Variants in VAV3 observed in about 807,000 individuals in gnomAD.
VAV3 encodes the protein vav guanine nucleotide exchange factor 3, also known as guanine nucleotide exchange factor VAV3.
VAV3 carries 94 observed loss-of-function variants against 131.2 expected under a neutral mutation model. The observed-to-expected ratio is 0.72, with a 90% CI of 0.61 to 0.85. The LOEUF (loss-of-function observed/expected upper bound fraction) is 0.85, where lower values mean the gene tolerates loss of function less well. VAV3 is among the 40% of genes least tolerant of loss of function. The pLI is 0.00. For synonymous variants in VAV3, 349 were observed against 342.0 expected, an observed-to-expected ratio of 1.02 and a Z score of -0.22; for missense variants, 939 against 1,002.7, an observed-to-expected ratio of 0.94 and a Z score of 0.86.
At chr1:107,835,466 G>A (rs868623229) in intron 2 of VAV3, among the ~76,000 whole-genome samples, 5 of 152,152 alleles carry the variant, frequency 3.3e-5, no homozygotes, top group African/African-American at 1.2e-4. Flanking sequence ...TGAGATGTGC[G>A]GTTTGTGGGC....
chr1:107,953,759 C>T lies in VAV3; in HGVS notation c.204+10907G>A, dbSNP rs149193256. 1.5e-4 allele frequency among the ~76,000 whole-genome samples: 23 copies of T among 152,204 alleles called. 1 individual carries two copies. The East Asian group carries it at 3.5e-3, about 23-fold the overall frequency. ...CAGGAAAAGGCATAGGGAAGCACGA[C>T]GCTTGTTTATTCAGACCAGCTGTTA... On this transcript the variant is annotated intron_variant, in intron 1 of 26. Transcript: ENST00000370056.
At chr1:107,697,815 A>T (rs369597348) in intron 17 of VAV3, among the ~76,000 whole-genome samples, 37 of 152,284 alleles carry the variant, frequency 2.4e-4, no homozygotes, top group African/African-American at 8.9e-4. Flanking sequence ...TTCAAACCTA[A>T]AAACACTGGG....
intron 17 of VAV3, among the ~76,000 whole-genome samples, chr1:107,695,451 G>A (rs1299534797): frequency 6.6e-6 from 1 of 152,140 alleles, no homozygotes; most frequent in African/African-American, 2.4e-5. Context: ...ACAGGAAAGT[G>A]AATCAAGATG....
At chr1:107,715,351 T>C (rs1459814474) in intron 15 of VAV3, among the ~76,000 whole-genome samples, 1 of 152,208 alleles carries the variant, frequency 6.6e-6, no homozygotes, top group Non-Finnish European at 1.5e-5. Flanking sequence ...GTTATTGCTA[T>C]CATAAGTGAC....
chr1:107,743,392 G>A (rs1663136050), intron 15 of VAV3, among the ~76,000 whole-genome samples: 1 of 152,016 alleles, frequency 6.6e-6, no homozygotes, highest in South Asian at 2.1e-4. Flanking sequence ...TGGAGAGAGG[G>A]GGCTGTATCA....
At position 107,723,491 on chromosome 1, in the gene VAV3, T is replaced by A. The variant is rs796985682; in HGVS notation, c.1503-18430A>T. On this transcript the variant is annotated intron_variant, in intron 15 of 26. Coordinates refer to ENST00000370056, the MANE Select transcript of VAV3 (RefSeq NM_006113.5). ...TGGACCTACCCTGTTTTTGCCAACA[T>A]ACACCTGGATTCTCCATCTGGGCCT... Among the ~76,000 whole-genome samples, 16 of 106,438 alleles carry A rather than the reference T, an allele frequency of 1.5e-4. 1 individual carries two copies. The highest frequency in any genetic ancestry group is 4.3e-4 in the African/African-American group (14 of 32,816). The allele number at this position is 106,438 out of a possible 152,430, so 69.8% of individuals were successfully genotyped here.
At chr1:107,586,411 A>G (rs1302290416) in intron 25 of VAV3, among the ~76,000 whole-genome samples, 2 of 152,172 alleles carry the variant, frequency 1.3e-5, no homozygotes, top group Non-Finnish European at 2.9e-5. Flanking sequence ...TGCAACAACT[A>G]AACAGTAAAT....
intron 24 of VAV3, among the ~76,000 whole-genome samples, 186 bp downstream of exon 24, chr1:107,602,211 C>T (rs905773047): frequency 1.3e-5 from 2 of 151,980 alleles, no homozygotes; most frequent in African/African-American, 2.4e-5. Context: ...GATTACGATT[C>T]GAGCAATATA....
intron 1 of VAV3, among the ~76,000 whole-genome samples, chr1:107,930,893 C>T (rs900762264): frequency 1.3e-5 from 2 of 152,084 alleles, no homozygotes; most frequent in Non-Finnish European, 2.9e-5. Flanking sequence ...TCTGTTCATG[C>T]CTTCAGAGCT....
chr1:107,813,071 C>T (rs777850795), intron 2 of VAV3, among the ~76,000 whole-genome samples: 9 of 148,832 alleles, frequency 6.0e-5, no homozygotes, highest in African/African-American at 2.0e-4. Flanking sequence ...GGCAGTGAGC[C>T]GAGATTGCGT....
intron 2 of VAV3, among the ~76,000 whole-genome samples, chr1:107,814,552 AT>A (rs1444087722): frequency 6.6e-6 from 1 of 152,126 alleles, no homozygotes. Context: ...ATGAATATAT[AT>A]TTTGCAAATA....
chr1:107,581,820 A>G (rs1650074991), intron 25 of VAV3, among the ~76,000 whole-genome samples: 1 of 152,198 alleles, frequency 6.6e-6, no homozygotes, highest in South Asian at 2.1e-4. Context: ...AGTTTTCAGT[A>G]ATATTTGAAA....
At chr1:107,575,513 G>C (rs1649584704) in intron 25 of VAV3, among the ~76,000 whole-genome samples, 1 of 152,208 alleles carries the variant, frequency 6.6e-6, no homozygotes, top group Admixed American at 6.5e-5. Context: ...AACTGTAAAG[G>C]GAGTAAAAAT....
rs55841742 is a variant in VAV3, at chr1:107,705,102, C to A, written c.1503-41G>T. ...AAATAACTTTCTATAGAAAGTTTCACAACAAAGCTGCAATTTAGTCATCTA... is the reference window on the plus strand; with the variant it reads ...AAATAACTTTCTATAGAAAGTTTCAAAACAAAGCTGCAATTTAGTCATCTA... On this transcript the variant is annotated intron_variant, in intron 15 of 26. Transcript: ENST00000370056. 187 of 1,482,348 alleles carry A rather than the reference C, an allele frequency of 1.3e-4. No individual in the cohort carries two copies. The East Asian group carries it at 4.2e-3, about 33-fold the overall frequency. 91.8% of individuals were successfully genotyped at this position (1,482,348 alleles called of 1,614,324 possible). A position where few individuals can be genotyped will look rare whatever the true frequency, so the allele number is the denominator to read the frequency against.
chr1:107,587,216 A>G (rs780820721), intron 25 of VAV3, among the ~76,000 whole-genome samples: 6 of 152,234 alleles, frequency 3.9e-5, no homozygotes, highest in Non-Finnish European at 7.3e-5. Flanking sequence ...GAATGAAAGT[A>G]TAACTTAATG....
intron 19 of VAV3, among the ~76,000 whole-genome samples, chr1:107,666,683 C>T (rs1029307318): frequency 2.6e-5 from 4 of 151,890 alleles, no homozygotes; most frequent in Admixed American, 6.6e-5. Context: ...AATTCACCTG[C>T]CTCAGCGTCC....
At chr1:107,828,109 A>C (rs1199484643) in intron 2 of VAV3, among the ~76,000 whole-genome samples, 2 of 152,166 alleles carry the variant, frequency 1.3e-5, no homozygotes, top group African/African-American at 2.4e-5. Flanking sequence ...TGAAGGGCTA[A>C]ATAGTACACA....
intron 2 of VAV3, 145 bp from the exon 3 acceptor site, chr1:107,779,637 G>T (rs1665573934): frequency 2.2e-6 from 1 of 455,718 alleles, no homozygotes; most frequent in East Asian, 3.5e-5. Context: ...GAGAAGGGCT[G>T]TGATTGGGAA....
At chr1:107,801,049 C>G (rs1159271670) in intron 2 of VAV3, among the ~76,000 whole-genome samples, 1 of 152,042 alleles carries the variant, frequency 6.6e-6, no homozygotes, top group Non-Finnish European at 1.5e-5. Context: ...ATCCAGTTTT[C>G]CCAGTACTAC....
Sources: allele counts gnomAD v4.1 joint callset (sites outside exome capture counted in the v4.1 genomes callset), GRCh38; gene constraint gnomAD v4.1.1; transcripts MANE v1.5; gene names NCBI Gene and HGNC (gene_info 2026-07-23, HGNC 2026-07-21).